The following NTM variants were observed in gnomAD, a reference collection of about 807,000 sequenced individuals.
The protein encoded by NTM is neurotrimin.
A neutral mutation model predicts 42.1 loss-of-function variants in NTM; 13 were observed. The ratio of observed to expected loss-of-function variants is 0.31; its 90% CI spans 0.20 to 0.49. The LOEUF is 0.49. Among genes scored for constraint, NTM ranks in the 20% least tolerant of loss-of-function variants. The probability of loss-of-function intolerance (pLI) is 0.99; values close to 1 mark genes in which losing one functional copy is unlikely to be tolerated. For synonymous variants in NTM, 187 were observed against 179.2 expected, an observed-to-expected ratio of 1.04 and a Z score of -0.35; for missense variants, 373 against 452.8, an observed-to-expected ratio of 0.82 and a Z score of 1.60.
chr11:132,143,282 G>A (rs2069587420), intron 2 of NTM, among the ~76,000 whole-genome samples: 1 of 152,216 alleles, frequency 6.6e-6, no homozygotes, highest in Non-Finnish European at 1.5e-5. Context: ...TGTCAGAAAT[G>A]CAGCCTCCCA....
intron 2 of NTM, among the ~76,000 whole-genome samples, chr11:132,075,313 G>C (rs1340597817): frequency 6.6e-6 from 1 of 152,136 alleles, no homozygotes; most frequent in African/African-American, 2.4e-5. Flanking sequence ...AGAGCTCATG[G>C]TAAGTGTTCT....
chr11:131,866,409 A>AG (rs775741601), intron 1 of NTM, among the ~76,000 whole-genome samples: 1 of 152,262 alleles, frequency 6.6e-6, no homozygotes, highest in Non-Finnish European at 1.5e-5. Context: ...CCTTGGGGCC[A>AG]GAAGCCTGGA....
chr11:131,447,231 G>A (rs914263687), intron 1 of NTM, among the ~76,000 whole-genome samples: 3 of 152,174 alleles, frequency 2.0e-5, no homozygotes, highest in Admixed American at 6.5e-5. Context: ...TGGTTGGAGT[G>A]CCTCGGATGT....
At chr11:131,588,336 G>A (rs2059063942) in intron 1 of NTM, among the ~76,000 whole-genome samples, 1 of 152,216 alleles carries the variant, frequency 6.6e-6, no homozygotes, top group African/African-American at 2.4e-5. Context: ...CAAAGCCACA[G>A]GCTTTGTATA....
chr11:132,330,174 C>T lies in NTM; in HGVS notation c.956C>T (p.Thr319Ile), dbSNP rs888325785. 1.0e-5 allele frequency: 16 copies of T among 1,551,666 alleles called. No homozygotes were observed. In the African/African-American group the frequency reaches 2.1e-4, roughly 20 times the overall value. ...TTAGAAGTGAAAACTACAGCCCTGA[C>T]CCCTTGGAAAGGTTTGTATATTTTT... ...MLFEVKTTAL[T>I]PWKGPGAVSE... Residue 319 changes from threonine to isoleucine, a missense_variant, in exon 8 of 9, where the codon ACC (threonine) becomes ATC (isoleucine). Thr to Ile is a moderately conservative substitution (Grantham distance 89). Coordinates refer to ENST00000683400, the MANE Select transcript of NTM (RefSeq NM_001352005.2).
intron 2 of NTM, among the ~76,000 whole-genome samples, chr11:132,058,013 A>C (rs996521516): frequency 1.3e-5 from 2 of 151,766 alleles, no homozygotes; most frequent in African/African-American, 2.4e-5. Flanking sequence ...ATATTTTTTT[A>C]TCTCTCTGTG....
At chr11:132,327,722 A>G (rs2095712635) in intron 7 of NTM, among the ~76,000 whole-genome samples, 1 of 152,086 alleles carries the variant, frequency 6.6e-6, no homozygotes, top group Admixed American at 6.5e-5. Flanking sequence ...TGACTTAGAG[A>G]TGGGATGGGA....
intron 4 of NTM, among the ~76,000 whole-genome samples, chr11:132,265,887 TCCGCA>T (rs2093154554): frequency 6.6e-6 from 1 of 152,098 alleles, no homozygotes; most frequent in Non-Finnish European, 1.5e-5. Context: ...GGGAAACACA[TCCGCA>T]GGTGGCAGAG....
chr11:131,566,145 G>A (rs1346548312), intron 1 of NTM, among the ~76,000 whole-genome samples: 2 of 152,154 alleles, frequency 1.3e-5, no homozygotes, highest in African/African-American at 2.4e-5. Context: ...CTCATTTTGT[G>A]CAGTCAATAT....
At chr11:132,053,163 G>C (rs190797151) in intron 2 of NTM, among the ~76,000 whole-genome samples, 1 of 152,300 alleles carries the variant, frequency 6.6e-6, no homozygotes, top group South Asian at 2.1e-4. Context: ...GCCTTATCAG[G>C]GGGTAGCTGT....
Position 131,739,634 on chromosome 11 carries a change from C to T in NTM, c.83-171930C>T, listed in dbSNP as rs868398554. Among the ~76,000 whole-genome samples the T allele has an allele frequency of 2.6e-5, 4 of 152,180 alleles. No homozygotes were observed. In the South Asian group the frequency reaches 8.3e-4, roughly 32 times the overall value. ...CTCAGTGCCACGTTTTGGAACTTGTCAGCCATAGAGCAACCTACCTATTTA... is the reference window on the plus strand; with the variant it reads ...CTCAGTGCCACGTTTTGGAACTTGTTAGCCATAGAGCAACCTACCTATTTA... On this transcript the variant is annotated intron_variant, in intron 1 of 8. Transcript: ENST00000683400.
chr11:131,458,700 T>TC (rs1951118628), intron 1 of NTM, among the ~76,000 whole-genome samples: 1 of 152,322 alleles, frequency 6.6e-6, no homozygotes, highest in South Asian at 2.1e-4. Context: ...ATTTGCTGAA[T>TC]TAAATTTTGA....
chr11:131,400,405 G>T (rs777653481), intron 1 of NTM, among the ~76,000 whole-genome samples: 1 of 152,044 alleles, frequency 6.6e-6, no homozygotes, highest in Non-Finnish European at 1.5e-5. Context: ...CTTTATTCCC[G>T]GACCGTGTCT....
chr11:131,777,854 T>A (rs2087323697), intron 1 of NTM, among the ~76,000 whole-genome samples: 1 of 152,206 alleles, frequency 6.6e-6, no homozygotes, highest in South Asian at 2.1e-4. Context: ...ACATTAATCA[T>A]AAAGGGAATT....
At chr11:132,177,775 A>T (rs930618475) in intron 3 of NTM, among the ~76,000 whole-genome samples, 1 of 152,246 alleles carries the variant, frequency 6.6e-6, no homozygotes, top group African/African-American at 2.4e-5. Flanking sequence ...GGGGTAAAAT[A>T]CTGAAGGATC....
chr11:131,829,788 A>G (rs2136519259), intron 1 of NTM, among the ~76,000 whole-genome samples: 1 of 152,232 alleles, frequency 6.6e-6, no homozygotes, highest in East Asian at 1.9e-4. Flanking sequence ...ACTAATTTAC[A>G]TTCTCATCAT....
chr11:132,187,246 T>TGC (rs1555304739), intron 3 of NTM, among the ~76,000 whole-genome samples: 13 of 145,536 alleles, frequency 8.9e-5, no homozygotes, highest in Non-Finnish European at 1.5e-4. Flanking sequence ...TGTGTGTGTG[T>TGC]GCGTGTGCGT....
chr11:131,517,505 G>C (rs989603391), intron 1 of NTM, among the ~76,000 whole-genome samples: 3 of 152,196 alleles, frequency 2.0e-5, no homozygotes, highest in Non-Finnish European at 1.5e-5. Flanking sequence ...AATGAGTCCT[G>C]CTTCTTTCTG....
intron 1 of NTM, among the ~76,000 whole-genome samples, chr11:131,645,475 C>T (rs2065660233): frequency 6.6e-6 from 1 of 152,202 alleles, no homozygotes. Context: ...TTCAGACCTA[C>T]ATGCTAAATA....
Sources: allele counts gnomAD v4.1 joint callset (sites outside exome capture counted in the v4.1 genomes callset), GRCh38; gene constraint gnomAD v4.1.1; transcripts MANE v1.5; gene names NCBI Gene and HGNC (gene_info 2026-07-23, HGNC 2026-07-21).